Variants in ABCA8 observed in about 807,000 individuals in gnomAD.
ABCA8 encodes the protein ATP binding cassette subfamily A member 8.
In ABCA8, 177 loss-of-function variants were observed where a neutral mutation model predicts 192.3. The ratio of observed to expected loss-of-function variants is 0.92; its 90% CI spans 0.81 to 1.04. The LOEUF is 1.04. Among genes scored for constraint, ABCA8 ranks in the 50% least tolerant of loss-of-function variants. ABCA8 has a pLI of 0.00. For missense variants in ABCA8, 1,915 were observed against 1,904.8 expected, an observed-to-expected ratio of 1.01 and a Z score of -0.10; for synonymous variants, 642 against 690.2, an observed-to-expected ratio of 0.93 and a Z score of 1.09.
intron 21 of ABCA8, among the ~76,000 whole-genome samples, chr17:68,895,480 A>T (rs1041327693): frequency 5.0e-4 from 76 of 152,326 alleles, no homozygotes; most frequent in Non-Finnish European, 9.1e-4. Flanking sequence ...TTCCTAAAAA[A>T]CCAACAAATT....
chr17:68,916,123 G>T (rs781721011), intron 17 of ABCA8, among the ~76,000 whole-genome samples: 2 of 152,086 alleles, frequency 1.3e-5, no homozygotes, highest in Non-Finnish European at 2.9e-5. Flanking sequence ...CAGAGGCTGA[G>T]AAGGGTAGTG....
intron 2 of ABCA8, chr17:68,944,864 G>GA (rs1324242535): frequency 1.3e-5 from 2 of 152,204 alleles, no homozygotes; most frequent in African/African-American, 4.8e-5. Context: ...CACGGCGGGG[G>GA]AGAGGACGCT....
chr17:68,929,265 G>C, intron 8 of ABCA8, 31 bp from the exon 9 acceptor site: 1 of 1,515,154 alleles, frequency 6.6e-7, no homozygotes, highest in Non-Finnish European at 8.9e-7. Flanking sequence ...GTTGGTTTAT[G>C]TTTCTCTAAC....
intron 37 of ABCA8, among the ~76,000 whole-genome samples, chr17:68,874,744 C>T (rs2066155757): frequency 6.6e-6 from 1 of 152,144 alleles, no homozygotes; most frequent in Non-Finnish European, 1.5e-5. Flanking sequence ...CCTAAGGCTA[C>T]TCTTTAATTT....
chr17:68,954,726 T>C (rs2068666824), intron 1 of ABCA8, among the ~76,000 whole-genome samples: 1 of 152,220 alleles, frequency 6.6e-6, no homozygotes, highest in African/African-American at 2.4e-5. Flanking sequence ...AAAATTCTTA[T>C]AGACTAAGAG....
Position 68,885,222 on chromosome 17 carries a change from T to A in ABCA8, c.3523A>T (p.Ile1175Phe). 1 of 1,613,616 alleles carries A rather than the reference T, an allele frequency of 6.2e-7. No homozygotes were observed. The highest frequency in any genetic ancestry group is 8.5e-7 in the Non-Finnish European group (1 of 1,179,782). ...TGAGAAGATAAGAACAAACAGCCAA[T>A]CATTGTGGCAGGTGGTATTAAAAAA... Reference protein sequence around the residue: ...FTFLIPPATMIGCLFLSSHLL... With the variant: ...FTFLIPPATMFGCLFLSSHLL... The change falls in exon 27 of 40, where the codon ATT (isoleucine) becomes TTT (phenylalanine). Residue 1175 changes from isoleucine (I) to phenylalanine (F), a missense_variant. Physicochemically the swap from Ile to Phe is conservative, Grantham distance 21. Transcript: ENST00000586539.
At chr17:68,934,137 CA>C (rs1268695426) in intron 5 of ABCA8, among the ~76,000 whole-genome samples, 1 of 151,874 alleles carries the variant, frequency 6.6e-6, no homozygotes, top group Non-Finnish European at 1.5e-5. Flanking sequence ...GAACTATGTT[CA>C]TTTGTTCCAT....
intron 17 of ABCA8, among the ~76,000 whole-genome samples, chr17:68,908,605 T>G (rs917336478): frequency 1.3e-5 from 2 of 152,200 alleles, no homozygotes; most frequent in African/African-American, 4.8e-5. Flanking sequence ...TTGCTTTTCT[T>G]GTAATGCTAA....
chr17:68,951,349 T>C (rs941753262), intron 1 of ABCA8, among the ~76,000 whole-genome samples: 1 of 152,374 alleles, frequency 6.6e-6, no homozygotes, highest in African/African-American at 2.4e-5. Flanking sequence ...CTCAGTAAGA[T>C]ACTGCTTCTT....
In ABCA8 at chr17:68,874,203, C is replaced by T. The variant is rs556304800; in HGVS notation, c.4631+1057G>A. On this transcript the variant is annotated intron_variant, in intron 37 of 39. Transcript: ENST00000586539. The stretch of plus-strand genomic sequence containing the variant: ...TAACTGAATACTTGATCTTCAACTT[C>T]ATCCTTCAACAAGGAATTTATACTG... Among the ~76,000 whole-genome samples the T allele has an allele frequency of 7.9e-5, 12 of 152,306 alleles. 1 individual carries two copies. In the South Asian group the frequency reaches 2.3e-3, roughly 29 times the overall value.
chr17:68,880,147 C>CT (rs756412307), intron 32 of ABCA8: 1 of 152,288 alleles, frequency 6.6e-6, no homozygotes, highest in Non-Finnish European at 1.5e-5. Flanking sequence ...ATGGCACACA[C>CT]TTCCTCCTTT....
chr17:68,909,891 A>G (rs138584749), intron 17 of ABCA8, among the ~76,000 whole-genome samples: 285 of 152,336 alleles, frequency 1.9e-3, no homozygotes, highest in African/African-American at 6.6e-3. Context: ...ACGACCAATC[A>G]TGTAACAAAA....
chr17:68,903,472 G>T lies in ABCA8; in HGVS notation c.2426C>A (p.Ala809Glu). 1.9e-6 allele frequency: 3 copies of T among 1,613,898 alleles called. No individual in the cohort carries two copies. Among genetic ancestry groups the T allele is most frequent in the Non-Finnish European group, 2.5e-6 (3 of 1,179,986 alleles). ...CCTTTCAGTGTCGTCAGCTTTTTCC[G>T]CTTGTACTTCTCCCAAAATAGCAAT... ...SDIAILGEVQ[A>E]EKADDTERLV... The change falls in exon 20 of 40, where the codon GCG becomes GAG. Residue 809 changes from alanine (A) to glutamate (E), a missense_variant. Transcript: ENST00000586539.
At chr17:68,883,016 A>T (rs1050565907) in intron 29 of ABCA8, among the ~76,000 whole-genome samples, 7 of 152,206 alleles carry the variant, frequency 4.6e-5, no homozygotes, top group Non-Finnish European at 7.3e-5. Flanking sequence ...TTATGTTTTC[A>T]TGGGGAAAAT....
At chr17:68,876,920 C>T (rs754675542) in intron 33 of ABCA8, among the ~76,000 whole-genome samples, 1 of 152,118 alleles carries the variant, frequency 6.6e-6, no homozygotes, top group African/African-American at 2.4e-5. Context: ...ACATGATATC[C>T]AAATAGTTGT....
intron 33 of ABCA8, 89 bp downstream of exon 33, chr17:68,877,430 T>G (rs1322839406): frequency 2.3e-6 from 3 of 1,282,696 alleles, no homozygotes; most frequent in African/African-American, 3.0e-5. Flanking sequence ...ATTTAGAGTC[T>G]CCCATCCTGA....
At chr17:68,877,413 G>T in intron 33 of ABCA8, 106 bp downstream of exon 33, 1 of 1,043,354 alleles carries the variant, frequency 9.6e-7, no homozygotes, top group South Asian at 2.4e-5. Context: ...GTGTGACCTG[G>T]GTCAGCATTT....
chr17:68,924,136 T>C (rs12149981), intron 11 of ABCA8, among the ~76,000 whole-genome samples: 3,503 of 151,834 alleles, frequency 0.023, 97 homozygotes, highest in African/African-American at 0.045. Context: ...CAAGTGAAGT[T>C]GGGTGTTAAA....
chr17:68,935,404 A>G lies in ABCA8; in HGVS notation c.466+1547T>C, dbSNP rs2068033100. Among the ~76,000 whole-genome samples, 3 of 151,318 alleles carry G rather than the reference A, an allele frequency of 2.0e-5. No homozygotes were observed. The South Asian group carries it at 6.3e-4, about 32-fold the overall frequency. ...AGTGCTAGGATTACAGACATGAGCC[A>G]CCACGCCCGGCCACTTTATCACAAT... On this transcript the variant is annotated intron_variant, in intron 5 of 39. Coordinates refer to ENST00000586539, the MANE Select transcript of ABCA8 (RefSeq NM_001288985.2).
Sources: gnomAD v4.1 joint callset for allele counts (sites outside exome capture counted in the v4.1 genomes callset) on GRCh38, gnomAD v4.1.1 for gene constraint, MANE v1.5 for transcripts, NCBI Gene and HGNC (gene_info 2026-07-23, HGNC 2026-07-21) for gene names.